Variants in EPHB4 observed in about 807,000 individuals in gnomAD.
The protein encoded by EPHB4 is ephrin type-B receptor 4.
In EPHB4, 50 loss-of-function variants were observed where a neutral mutation model predicts 110.6. That is an observed-to-expected ratio of 0.45 (90% CI 0.36 to 0.57). The LOEUF is 0.57. Ranked by LOEUF, EPHB4 falls within the 20% of genes least tolerant of loss-of-function variation. The pLI is 0.00. For missense variants in EPHB4, 1,128 were observed against 1,382.1 expected (o/e 0.82, Z 2.91); for synonymous variants, 592 against 578.4 (o/e 1.02, Z -0.34).
intron 10 of EPHB4, 189 bp downstream of exon 10, chr7:100,813,463 C>A: frequency 1.4e-6 from 1 of 706,714 alleles, no homozygotes; most frequent in East Asian, 2.5e-5. Flanking sequence ...TTACAGGTGC[C>A]CACCACCATG....
chr7:100,816,895 A>T (rs1471159689), intron 8 of EPHB4, among the ~76,000 whole-genome samples: 1 of 151,976 alleles, frequency 6.6e-6, no homozygotes, highest in East Asian at 1.9e-4. Context: ...CAGCCTGGCC[A>T]ACGCGGTGAA....
chr7:100,821,292 G>A (rs1453808647), intron 4 of EPHB4: 1 of 151,696 alleles, frequency 6.6e-6, no homozygotes, highest in Admixed American at 6.6e-5. Flanking sequence ...TAGAGACAGG[G>A]TTTCTCCATG....
intron 2 of EPHB4, 87 bp from the exon 3 acceptor site, chr7:100,824,018 T>C (rs1562974599): frequency 6.6e-7 from 1 of 1,510,170 alleles, no homozygotes; most frequent in African/African-American, 1.4e-5. Flanking sequence ...TGAGAGGGAC[T>C]GAGAAAGGGG....
chr7:100,805,316 G>C lies in EPHB4; in HGVS notation c.2684C>G (p.Ser895Ter). ...KIVARENGGASHPLLDQRQPH... is the reference protein window; with the variant it reads ...KIVARENGGA ...CTGCCGCTGGTCCAGGAGAGGGTGT[G>C]AGGCCCTAGGGGGCAAGGATGGGGA... Residue 895 changes from serine to a stop codon, truncating the protein, a stop_gained, in exon 16 of 17, where the codon TCA becomes TGA. Transcript: ENST00000358173. LOFTEE classifies it high-confidence loss of function. 6.2e-7 allele frequency: 1 copy of C among 1,613,816 alleles called. No homozygotes were observed. Among genetic ancestry groups the C allele is most frequent in the Non-Finnish European group, 8.5e-7 (1 of 1,179,886 alleles).
intron 1 of EPHB4, among the ~76,000 whole-genome samples, chr7:100,826,110 G>A (rs1813387521): frequency 6.6e-6 from 1 of 152,202 alleles, no homozygotes; most frequent in Non-Finnish European, 1.5e-5. Flanking sequence ...GGTGTTGGCA[G>A]CTCACTGAAA....
intron 4 of EPHB4, chr7:100,820,960 A>G (rs1040395127): frequency 6.6e-6 from 1 of 152,038 alleles, no homozygotes; most frequent in African/African-American, 2.4e-5. Context: ...ACCTGCCTCT[A>G]CTAAAAATAC....
chr7:100,813,037 T>C (rs954079480), intron 11 of EPHB4, 43 bp from the exon 12 acceptor site: 3 of 1,612,222 alleles, frequency 1.9e-6, no homozygotes, highest in Non-Finnish European at 2.5e-6. Flanking sequence ...CCCGCTCCAG[T>C]GTGGCCCTGC....
At chr7:100,816,051 A>G (rs1358171513) in intron 8 of EPHB4, among the ~76,000 whole-genome samples, 2 of 151,742 alleles carry the variant, frequency 1.3e-5, no homozygotes, top group Non-Finnish European at 2.9e-5. Context: ...CATTTCGGGA[A>G]GCCGAGGCGG....
rs1023759844 is a variant in EPHB4 at position 100,815,863 on chromosome 7, C to T, written c.1588+1329G>A. Among the ~76,000 whole-genome samples, 8 of 152,146 alleles carry T rather than the reference C, an allele frequency of 5.3e-5. 1 individual carries two copies. The highest frequency in any genetic ancestry group is 2.0e-4 in the Admixed American group (3 of 15,272). On this transcript the variant is annotated intron_variant, in intron 8 of 16. Coordinates refer to ENST00000358173, the MANE Select transcript of EPHB4 (RefSeq NM_004444.5). Reference sequence around the variant, plus strand: ...TTTAGTTGAGCACGGTAGCACATGCCTATAGCCCCAGCTACTTGGGAGGCT... The same window carrying T: ...TTTAGTTGAGCACGGTAGCACATGCTTATAGCCCCAGCTACTTGGGAGGCT...
rs765193301 is a variant in EPHB4 at position 100,823,789 on chromosome 7, G to C, written c.266C>G (p.Thr89Arg). ...PRRGAVHVYA[T>R]LRFTMLECLS... ...GCACTCGAGCATGGTGAAGCGCAGC[G>C]TGGCGTACACGTGGACGGCGCCCCG... The change falls in exon 3 of 17, where the codon ACG becomes AGG. Residue 89 changes from threonine to arginine, a missense_variant. Transcript: ENST00000358173. The C allele has an allele frequency of 6.2e-7, 1 of 1,613,490 alleles. No individual in the cohort carries two copies. Among genetic ancestry groups the C allele is most frequent in the Non-Finnish European group, 8.5e-7 (1 of 1,179,936 alleles).
rs916292887 is a variant in EPHB4 at position 100,819,554 on chromosome 7, C to T, written c.1297+3G>A. The T allele has an allele frequency of 5.8e-6, 9 of 1,550,646 alleles. No individual in the cohort carries two copies. In the East Asian group the frequency reaches 1.4e-4, roughly 23 times the overall value. On this transcript the variant is annotated splice_donor_region_variant and intron_variant, in intron 6 of 16. Coordinates refer to ENST00000358173, the MANE Select transcript of EPHB4 (RefSeq NM_004444.5). ...ACCAGCCGCCCCAGCCCCCAAGTCT[C>T]ACCCTCTCGGTCAGTGGTGACATTG...
chr7:100,826,033 C>T (rs1235715162), intron 1 of EPHB4, among the ~76,000 whole-genome samples: 2 of 152,248 alleles, frequency 1.3e-5, no homozygotes, highest in Non-Finnish European at 2.9e-5. Context: ...CCGCTGAATC[C>T]TTCCCTTTGG....
At chr7:100,826,422 G>C (rs913663729) in intron 1 of EPHB4, among the ~76,000 whole-genome samples, 30 of 152,106 alleles carry the variant, frequency 2.0e-4, no homozygotes, top group African/African-American at 7.2e-4. Flanking sequence ...CTATACCAGG[G>C]GCAGGAGCAG....
rs764404042 is a variant in EPHB4, at chr7:100,805,228, G to A, written c.2772C>T (p.Tyr924=). The A allele has an allele frequency of 5.6e-6, 9 of 1,613,376 alleles. No individual in the cohort carries two copies. Among genetic ancestry groups the A allele is most frequent in the Admixed American group, 3.3e-5 (2 of 59,896 alleles). ...AGCCAGCGGCTGCGAAACTTTCTTC[G>A]TATCTTCCCATTTTGATGGCCCGAA... ...EWLRAIKMGR[Y]EESFAAAGFG... The change falls in exon 16 of 17, where the codon TAC becomes TAT. Residue 924 remains tyrosine, a synonymous_variant. Coordinates refer to ENST00000358173, the MANE Select transcript of EPHB4 (RefSeq NM_004444.5).
At position 100,817,223 on chromosome 7, in the gene EPHB4, G is replaced by A; in HGVS notation, c.1557C>T (p.Gly519=). The A allele has an allele frequency of 6.3e-7, 1 of 1,590,532 alleles. No individual in the cohort carries two copies. The highest frequency in any genetic ancestry group is 8.6e-7 in the Non-Finnish European group (1 of 1,168,900). Residue 519 remains glycine (G), a synonymous_variant, in exon 8 of 17, where the codon GGC becomes GGT. Transcript: ENST00000358173. ...GTTGGGTCTGGCTGTGATGTTCCTG[G>A]CCGAAGGGCCCGTAGCCGGCCTCAG... ...ARSEAGYGPF[G]QEHHSQTQLD...
At position 100,805,196 on chromosome 7, in the gene EPHB4, G is replaced by C. The variant is rs936560635; in HGVS notation, c.2804C>G (p.Ser935Cys). 1.2e-6 allele frequency: 2 copies of C among 1,613,338 alleles called. No individual in the cohort carries two copies. The highest frequency in any genetic ancestry group is 1.7e-6 in the Non-Finnish European group (2 of 1,179,694). The change falls in exon 16 of 17, where the codon TCC becomes TGC. Residue 935 changes from serine to cysteine, a missense_variant. By Grantham distance (112) the Ser-to-Cys change is moderately radical (BLOSUM62 -1). Coordinates refer to ENST00000358173, the MANE Select transcript of EPHB4 (RefSeq NM_004444.5). Reference sequence around the variant, plus strand: ...AGAGATCTGGCTGACCAGCTCGAAGGAGCCAAAGCCAGCGGCTGCGAAACT... The same window carrying C: ...AGAGATCTGGCTGACCAGCTCGAAGCAGCCAAAGCCAGCGGCTGCGAAACT... ...EESFAAAGFGSFELVSQISAE... is the reference protein window; with the variant it reads ...EESFAAAGFGCFELVSQISAE...
Position 100,823,821 on chromosome 7 carries a change from G to C in EPHB4, c.234C>G (p.Val78=). Residue 78 remains valine, a synonymous_variant, in exon 3 of 17, where the codon GTC becomes GTG. Coordinates refer to ENST00000358173, the MANE Select transcript of EPHB4 (RefSeq NM_004444.5). ...GQAHWLRTGW[V]PRRGAVHVYA... is the part of the protein sequence containing the mutation. The stretch of plus-strand genomic sequence containing the variant: ...ACACGTGGACGGCGCCCCGCCGTGG[G>C]ACCCAACCTGTGCGAAGCCAGTGGG... 6.2e-7 allele frequency: 1 copy of C among 1,613,316 alleles called. No homozygotes were observed. Among genetic ancestry groups the C allele is most frequent in the East Asian group, 2.2e-5 (1 of 44,882 alleles).
At chr7:100,819,405 C>T (rs1170422778) in intron 6 of EPHB4, 152 bp downstream of exon 6, 6 of 837,862 alleles carry the variant, frequency 7.2e-6, no homozygotes, top group Non-Finnish European at 9.0e-6. Context: ...CCACTGCGCC[C>T]AGCCATTGCC....
intron 7 of EPHB4, 121 bp from the exon 8 acceptor site, chr7:100,817,478 T>C: frequency 2.7e-6 from 3 of 1,120,612 alleles, no homozygotes; most frequent in Non-Finnish European, 3.7e-6. Context: ...GGTGAGGCCT[T>C]TGGGAGAACT....
Sources: allele counts gnomAD v4.1 joint callset (sites outside exome capture counted in the v4.1 genomes callset), GRCh38; gene constraint gnomAD v4.1.1; transcripts MANE v1.5; gene names NCBI Gene and HGNC (gene_info 2026-07-23, HGNC 2026-07-21).